NUP160: variants seen among roughly 807,000 people sequenced by gnomAD.
NUP160 encodes the protein nuclear pore complex protein Nup160.
A neutral mutation model predicts 196.9 loss-of-function variants in NUP160; 94 were observed. The ratio of observed to expected loss-of-function variants is 0.48; its 90% confidence interval spans 0.40 to 0.57. The LOEUF (loss-of-function observed/expected upper bound fraction) is 0.57. NUP160 is among the 20% of genes least tolerant of loss of function. The pLI is 0.00. For synonymous variants in NUP160, 605 were observed against 619.7 expected, an observed-to-expected ratio of 0.98 and a Z score of 0.35; for missense variants, 1,638 against 1,748.3, an observed-to-expected ratio of 0.94 and a Z score of 1.13.
At chr11:47,782,237 A>G (rs908181499) in intron 34 of NUP160, among the ~76,000 whole-genome samples, 1 of 146,308 alleles carries the variant, frequency 6.8e-6, no homozygotes, top group South Asian at 2.2e-4. Context: ...TGAGGGAGTA[A>G]GTGGAGGCTG....
chr11:47,843,358 G>C lies in NUP160; in HGVS notation c.315-2770C>G, dbSNP rs1489943809. Among the ~76,000 whole-genome samples, 6 of 152,106 alleles carry C rather than the reference G, an allele frequency of 3.9e-5. No individual in the cohort carries two copies. The East Asian group carries it at 1.2e-3, about 29-fold the overall frequency. ...CAATTTTCGTTTCTCATCTTGCCTG[G>C]CTTAAATGCAACACTGACAGGTTTT... On this transcript the variant is annotated intron_variant, in intron 2 of 35. Coordinates refer to ENST00000378460, the Ensembl canonical transcript of NUP160.
intron 28 of NUP160, 62 bp from the exon 29 acceptor site, chr11:47,792,052 C>A: frequency 8.8e-7 from 1 of 1,138,114 alleles, no homozygotes; most frequent in South Asian, 1.4e-5. Flanking sequence ...ATATCATTAA[C>A]GGTGATTCAT....
intron 29 of NUP160, 106 bp from the exon 30 acceptor site, chr11:47,788,717 A>C: frequency 2.9e-6 from 2 of 687,322 alleles, no homozygotes; most frequent in South Asian, 3.6e-5. Flanking sequence ...CATTCAATCT[A>C]ATTTCCAAAT....
At chr11:47,778,328 C>A (rs2097658730) in exon 36 of NUP160, 1 of 152,562 alleles carries the variant, frequency 6.6e-6, no homozygotes, top group Non-Finnish European at 1.5e-5. Flanking sequence ...GCTTCTAAAT[C>A]TGACCAATGA....
At chr11:47,805,707 A>G (rs772075511) in intron 20 of NUP160, among the ~76,000 whole-genome samples, 3 of 151,964 alleles carry the variant, frequency 2.0e-5, no homozygotes, top group Non-Finnish European at 2.9e-5. Flanking sequence ...CTGCCTCCCA[A>G]AGTACTGGGA....
chr11:47,794,552 C>T (rs2097669758), intron 27 of NUP160, among the ~76,000 whole-genome samples: 1 of 151,966 alleles, frequency 6.6e-6, no homozygotes, highest in African/African-American at 2.4e-5. Context: ...GCAGATCACC[C>T]AAGTCCAGAA....
At chr11:47,847,916 G>T (rs1336750842) in exon 2 of NUP160, 1 of 1,614,072 alleles carries the variant, frequency 6.2e-7, no homozygotes. Context: ...AGCCTCCCGC[G>T]CTTTCACTGT....
intron 11 of NUP160, among the ~76,000 whole-genome samples, chr11:47,817,342 C>CT (rs904451058): frequency 0.012 from 1,528 of 132,392 alleles, 13 homozygotes; most frequent in South Asian, 0.022. Context: ...AAGCCAAAAA[C>CT]TTTTTTTTTT....
At chr11:47,830,586 C>A (rs1246421415) in intron 7 of NUP160, among the ~76,000 whole-genome samples, 1 of 152,110 alleles carries the variant, frequency 6.6e-6, no homozygotes, top group Admixed American at 6.6e-5. Context: ...GGTCATTATC[C>A]TCAGCAAAAT....
intron 9 of NUP160, chr11:47,820,135 C>T (rs1851825301): frequency 6.6e-6 from 1 of 152,182 alleles, no homozygotes; most frequent in African/African-American, 2.4e-5. Flanking sequence ...CAAGCTCTGT[C>T]CCAAGGGAGC....
chr11:47,787,273 A>C (rs1443796828), intron 31 of NUP160, among the ~76,000 whole-genome samples: 1 of 151,742 alleles, frequency 6.6e-6, no homozygotes, highest in Non-Finnish European at 1.5e-5. Context: ...TTTTTAGTAG[A>C]GATGGGGTTT....
intron 7 of NUP160, among the ~76,000 whole-genome samples, chr11:47,830,885 C>T (rs958536592): frequency 3.9e-5 from 6 of 152,118 alleles, no homozygotes; most frequent in African/African-American, 1.2e-4. Flanking sequence ...AAAGAGCAGC[C>T]GAGCGTGGTG....
chr11:47,817,754 CAG>C (rs1565200492), intron 11 of NUP160, among the ~76,000 whole-genome samples: 3 of 152,132 alleles, frequency 2.0e-5, no homozygotes. Flanking sequence ...CTCTCAAGTA[CAG>C]AGATTCTATA....
intron 4 of NUP160, among the ~76,000 whole-genome samples, chr11:47,838,632 TGGG>T (rs11457395): frequency 6.6e-6 from 1 of 150,860 alleles, no homozygotes; most frequent in African/African-American, 2.4e-5. Flanking sequence ...CACTTGAACC[TGGG>T]GGGGGCGGAG....
At chr11:47,845,757 G>C (rs928959305) in intron 2 of NUP160, among the ~76,000 whole-genome samples, 1 of 152,112 alleles carries the variant, frequency 6.6e-6, no homozygotes, top group Non-Finnish European at 1.5e-5. Flanking sequence ...CCCACCTGGA[G>C]TGCAGTGGCA....
chr11:47,781,502 G>A (rs2097660815), intron 34 of NUP160, among the ~76,000 whole-genome samples: 1 of 151,880 alleles, frequency 6.6e-6, no homozygotes, highest in Admixed American at 6.6e-5. Context: ...GGGTTTAAAC[G>A]ATCCTCACAC....
At chr11:47,788,909 A>C (rs1257242120) in intron 29 of NUP160, among the ~76,000 whole-genome samples, 1 of 151,306 alleles carries the variant, frequency 6.6e-6, no homozygotes, top group Non-Finnish European at 1.5e-5. Context: ...ACAAATCTCA[A>C]TCTGTCACCC....
chr11:47,826,749 G>A (rs377618169), intron 7 of NUP160, among the ~76,000 whole-genome samples: 2 of 152,220 alleles, frequency 1.3e-5, no homozygotes, highest in South Asian at 2.1e-4. Flanking sequence ...TTTTAGTACA[G>A]TCGGGGTTTC....
exon 18 of NUP160, chr11:47,808,417 G>C (rs765878253): frequency 1.2e-6 from 2 of 1,613,316 alleles, no homozygotes; most frequent in Non-Finnish European, 1.7e-6. Flanking sequence ...TGGAACATCA[G>C]TTGCCAAGCA....
Sources: allele counts gnomAD v4.1 joint callset (sites outside exome capture counted in the v4.1 genomes callset), GRCh38; gene constraint gnomAD v4.1.1; transcripts MANE v1.5; gene names NCBI Gene and HGNC (gene_info 2026-07-23, HGNC 2026-07-21).